MAPDA: variants seen among roughly 807,000 people sequenced by gnomAD.
MAPDA encodes the protein N6,N6-dimethyl-AMP deaminase.
At chr15:43,345,970 G>A in the MAPDA span, 2 of 1,614,058 alleles carry the variant, frequency 1.2e-6, no homozygotes, top group Non-Finnish European at 1.7e-6. Context: ...GACCTCAGTG[G>A]AGACCCTACT....
At chr15:43,330,416 C>T in the MAPDA span, 2 of 1,567,986 alleles carry the variant, frequency 1.3e-6, no homozygotes, top group African/African-American at 1.4e-5. Context: ...GGCCAGGGAA[C>T]GCTTGCTGAG....
chr15:43,330,370 C>G, the MAPDA span: 4 of 1,604,598 alleles, frequency 2.5e-6, no homozygotes, highest in Admixed American at 1.7e-5. Flanking sequence ...CCGGAACCAG[C>G]AACGCGGCAA....
At chr15:43,334,663 A>ATATATATATATATATATATATATT in the MAPDA span, among the ~76,000 whole-genome samples, 2 of 125,362 alleles carry the variant, frequency 1.6e-5, no homozygotes, top group Non-Finnish European at 3.4e-5. Flanking sequence ...ATATATATAT[A>ATATATATATATATATATATATATT]TTTTATCCAA....
At chr15:43,332,653 T>G in the MAPDA span, among the ~76,000 whole-genome samples, 1 of 152,182 alleles carries the variant, frequency 6.6e-6, no homozygotes, top group Non-Finnish European at 1.5e-5. Flanking sequence ...TCTCAGGGGT[T>G]GTTGTGAGGA....
chr15:43,346,933 A>T, the MAPDA span: 2 of 1,025,536 alleles, frequency 2.0e-6, no homozygotes, highest in Admixed American at 2.0e-5. Context: ...TTCTGCCATT[A>T]TGTTGTTTAT....
the MAPDA span, among the ~76,000 whole-genome samples, chr15:43,334,665 T>TATATATATATATA: frequency 2.6e-5 from 1 of 38,672 alleles, no homozygotes; most frequent in Non-Finnish European, 1.2e-4. Context: ...ATATATATAT[T>TATATATATATATA]TTATCCAAAG....
At chr15:43,351,836 T>G in the MAPDA span, 3 of 1,551,660 alleles carry the variant, frequency 1.9e-6, no homozygotes, top group Non-Finnish European at 2.6e-6. Context: ...CAGTCTCAGG[T>G]GTGGGATCTG....
At chr15:43,335,520 G>A in the MAPDA span, among the ~76,000 whole-genome samples, 1 of 151,880 alleles carries the variant, frequency 6.6e-6, no homozygotes, top group Non-Finnish European at 1.5e-5. Context: ...GGTGACAGAG[G>A]GAGACTCCAT....
At chr15:43,330,606 C>T in the MAPDA span, 33 of 1,208,460 alleles carry the variant, frequency 2.7e-5, no homozygotes, top group African/African-American at 4.8e-5. Flanking sequence ...TGGACTTCCC[C>T]TTCCGCCGGC....
chr15:43,337,835 A>T, the MAPDA span, among the ~76,000 whole-genome samples: 1 of 152,202 alleles, frequency 6.6e-6, no homozygotes, highest in African/African-American at 2.4e-5. Flanking sequence ...TCTGAGAGAG[A>T]TTGACACAGT....
the MAPDA span, chr15:43,340,131 C>T: frequency 1.3e-6 from 1 of 750,548 alleles, no homozygotes; most frequent in Non-Finnish European, 2.1e-6. Flanking sequence ...TGGATAATCT[C>T]TACCACGTGA....
chr15:43,349,247 C>T, the MAPDA span: 2 of 1,308,764 alleles, frequency 1.5e-6, no homozygotes, highest in Non-Finnish European at 1.9e-6. Flanking sequence ...GAGAGCAGGG[C>T]CCCTGCTTGT....
the MAPDA span, among the ~76,000 whole-genome samples, chr15:43,342,762 C>T: frequency 6.6e-6 from 1 of 151,368 alleles, no homozygotes; most frequent in African/African-American, 2.4e-5. Context: ...AAAAAAAAAG[C>T]CTTTATTTTT....
chr15:43,330,578 A>G, the MAPDA span: 3 of 1,418,302 alleles, frequency 2.1e-6, no homozygotes, highest in Non-Finnish European at 1.9e-6. Context: ...GTAGGGGGAA[A>G]AAAACCACCC....
chr15:43,334,633 T>TAATATATATA, the MAPDA span, among the ~76,000 whole-genome samples: 1 of 65,142 alleles, frequency 1.5e-5, no homozygotes, highest in African/African-American at 3.3e-5. Context: ...CTCAAAAAAA[T>TAATATATATA]TATATATATA....
the MAPDA span, chr15:43,348,916 C>T: frequency 2.5e-6 from 4 of 1,612,038 alleles, no homozygotes; most frequent in Non-Finnish European, 3.4e-6. Flanking sequence ...GATTCCAAAC[C>T]AAAAAAAAGA....
At chr15:43,332,158 G>A in the MAPDA span, 1 of 152,178 alleles carries the variant, frequency 6.6e-6, no homozygotes, top group East Asian at 1.9e-4. Flanking sequence ...GAAAAAGAAG[G>A]AATTTGCACC....
the MAPDA span, among the ~76,000 whole-genome samples, chr15:43,350,447 C>T: frequency 6.6e-6 from 1 of 152,038 alleles, no homozygotes; most frequent in Non-Finnish European, 1.5e-5. Context: ...GGATGATTAT[C>T]TGGGTAAAAG....
the MAPDA span, chr15:43,350,987 T>G: frequency 4.5e-6 from 7 of 1,551,718 alleles, no homozygotes; most frequent in South Asian, 2.4e-5. Flanking sequence ...TTCCATCTTA[T>G]GACCAGCACC....
Sources: gnomAD v4.1 joint callset for allele counts (sites outside exome capture counted in the v4.1 genomes callset) on GRCh38, gnomAD v4.1.1 for gene constraint, MANE v1.5 for transcripts, NCBI Gene and HGNC (gene_info 2026-07-23, HGNC 2026-07-21) for gene names.